The following DAB1 variants were observed in gnomAD, a reference collection of about 807,000 sequenced individuals.
DAB1 encodes the protein disabled homolog 1.
A neutral mutation model predicts 64.6 loss-of-function variants in DAB1; 15 were observed. The ratio of observed to expected loss-of-function variants is 0.23; its 90% CI spans 0.16 to 0.36. DAB1 has a LOEUF of 0.36. Ranked by LOEUF, DAB1 falls within the 10% of genes least tolerant of loss-of-function variation. DAB1 has a pLI of 1.00. For synonymous variants in DAB1, 235 were observed against 251.9 expected (o/e 0.93, Z 0.64); for missense variants, 596 against 706.7 (o/e 0.84, Z 1.78).
chr1:57,700,262 T>C (rs1003333887), intron 6 of DAB1, among the ~76,000 whole-genome samples: 1 of 152,096 alleles, frequency 6.6e-6, no homozygotes, highest in Non-Finnish European at 1.5e-5. Context: ...ACCATTATCA[T>C]ACTTTTTTTA....
intron 1 of DAB1, among the ~76,000 whole-genome samples, chr1:57,836,649 C>CATT (rs1652822113): frequency 1.3e-5 from 2 of 152,314 alleles, no homozygotes; most frequent in Admixed American, 1.3e-4. Context: ...CGGCATCCGC[C>CATT]ATCTCTTGAT....
intron 4 of DAB1, among the ~76,000 whole-genome samples, chr1:57,118,582 C>T (rs1054888356): frequency 6.6e-6 from 1 of 152,160 alleles, no homozygotes; most frequent in Non-Finnish European, 1.5e-5. Flanking sequence ...AGCAGGCAGG[C>T]AGAAGTTGTA....
chr1:57,259,824 T>C (rs1670047348), intron 2 of DAB1, among the ~76,000 whole-genome samples: 1 of 152,324 alleles, frequency 6.6e-6, no homozygotes, highest in African/African-American at 2.4e-5. Flanking sequence ...TTAGAAGACA[T>C]CAAGCACTAT....
intron 3 of DAB1, among the ~76,000 whole-genome samples, chr1:58,470,351 T>A (rs550011273): frequency 6.6e-6 from 1 of 151,884 alleles, no homozygotes; most frequent in Non-Finnish European, 1.5e-5. Flanking sequence ...TTTTTGCAGT[T>A]TTAGTAGAGA....
At chr1:57,663,584 T>G (rs894393187) in intron 6 of DAB1, among the ~76,000 whole-genome samples, 3 of 152,144 alleles carry the variant, frequency 2.0e-5, no homozygotes, top group African/African-American at 7.2e-5. Context: ...AATTTTAAAT[T>G]GTCTGCGGTA....
At chr1:57,641,632 C>T (rs971817157) in intron 7 of DAB1, among the ~76,000 whole-genome samples, 2 of 151,926 alleles carry the variant, frequency 1.3e-5, no homozygotes, top group East Asian at 3.9e-4. Flanking sequence ...GATCTGCCCA[C>T]CTCAGTCTCC....
chr1:58,345,401 G>A (rs904773134), intron 3 of DAB1, among the ~76,000 whole-genome samples: 4 of 152,170 alleles, frequency 2.6e-5, no homozygotes, highest in African/African-American at 4.8e-5. Context: ...ATCAGAATGT[G>A]CTACATCAAA....
intron 1 of DAB1, among the ~76,000 whole-genome samples, chr1:57,293,648 T>A (rs926146782): frequency 6.6e-6 from 1 of 152,158 alleles, no homozygotes; most frequent in Admixed American, 6.6e-5. Flanking sequence ...ACAAGTTAAT[T>A]TTGCTGTCTC....
chr1:57,190,811 T>A (rs1664059966), intron 2 of DAB1, among the ~76,000 whole-genome samples: 1 of 152,168 alleles, frequency 6.6e-6, no homozygotes, highest in Non-Finnish European at 1.5e-5. Context: ...CGACAGGTGA[T>A]GAGCTACACT....
chr1:58,051,878 A>C lies in DAB1; in HGVS notation n.387+98633T>G, dbSNP rs185368769. Reference sequence around the variant, plus strand: ...GAAGTGTCTGTTCATATCCTTTGTCAACTTTTTGATGGGGTTGTTTTTTTC... The same window carrying C: ...GAAGTGTCTGTTCATATCCTTTGTCCACTTTTTGATGGGGTTGTTTTTTTC... On this transcript the variant is annotated intron_variant and non_coding_transcript_variant, in intron 5 of 20. Transcript: ENST00000485760. Among the ~76,000 whole-genome samples the C allele has an allele frequency of 5.0e-3, 762 of 152,096 alleles. 11 individuals are homozygous for C. Among genetic ancestry groups the C allele is most frequent in the Admixed American group, 0.037 (571 of 15,276 alleles).
In DAB1 at chr1:57,150,825, A is replaced by G. The variant is rs147349685; in HGVS notation, c.68-5396T>C. The stretch of plus-strand genomic sequence containing the variant: ...TTGGCTTAGACTGTTTAGCAATCCT[A>G]ATTATCTTCTGGAATCACCTTGGGA... On this transcript the variant is annotated intron_variant, in intron 2 of 14. Transcript: ENST00000371236. Among the ~76,000 whole-genome samples, 57 of 152,256 alleles carry G rather than the reference A, an allele frequency of 3.7e-4. No individual in the cohort carries two copies. The South Asian group carries it at 7.5e-3, about 20-fold the overall frequency.
intron 2 of DAB1, among the ~76,000 whole-genome samples, chr1:57,244,860 C>G (rs537114769): frequency 6.6e-6 from 1 of 152,174 alleles, no homozygotes. Flanking sequence ...ACTAACGTAG[C>G]GTTCTGATAT....
intron 7 of DAB1, among the ~76,000 whole-genome samples, chr1:57,525,297 T>C (rs945525515): frequency 1.3e-5 from 2 of 152,138 alleles, no homozygotes; most frequent in African/African-American, 4.8e-5. Flanking sequence ...AATATGGGAC[T>C]GCAGGAGTGA....
chr1:58,102,575 C>G (rs1051956351), intron 5 of DAB1, among the ~76,000 whole-genome samples: 2 of 152,154 alleles, frequency 1.3e-5, no homozygotes, highest in Middle Eastern at 3.2e-3. Context: ...CTTAAGAGGA[C>G]TTTTCCAGAG....
intron 7 of DAB1, among the ~76,000 whole-genome samples, chr1:57,525,431 G>T (rs1306808799): frequency 1.0e-5 from 1 of 95,322 alleles, no homozygotes; most frequent in Non-Finnish European, 2.3e-5. Context: ...GACACAGAAA[G>T]TTAAGGAAAT....
chr1:58,182,996 C>T (rs946439434), intron 4 of DAB1, among the ~76,000 whole-genome samples: 2 of 151,934 alleles, frequency 1.3e-5, no homozygotes, highest in Non-Finnish European at 2.9e-5. Context: ...TGTTCAGTGA[C>T]TTTGTTTGAC....
intron 5 of DAB1, among the ~76,000 whole-genome samples, chr1:57,969,406 C>T (rs1294230412): frequency 6.6e-6 from 1 of 151,988 alleles, no homozygotes; most frequent in Non-Finnish European, 1.5e-5. Context: ...GCAGTGGAGC[C>T]ATCTTGGCTC....
chr1:57,591,974 T>C (rs533350883), intron 7 of DAB1, among the ~76,000 whole-genome samples: 1 of 152,310 alleles, frequency 6.6e-6, no homozygotes, highest in East Asian at 1.9e-4. Flanking sequence ...CTCTGTGATG[T>C]TTTTCTCAGA....
At chr1:57,654,823 G>A (rs143386955) in intron 6 of DAB1, among the ~76,000 whole-genome samples, 187 of 152,096 alleles carry the variant, frequency 1.2e-3, no homozygotes, top group African/African-American at 4.0e-3. Context: ...TTCCCTTTAC[G>A]GTAAGTGCTT....
Sources: gnomAD v4.1 joint callset for allele counts (sites outside exome capture counted in the v4.1 genomes callset) on GRCh38, gnomAD v4.1.1 for gene constraint, MANE v1.5 for transcripts, NCBI Gene and HGNC (gene_info 2026-07-23, HGNC 2026-07-21) for gene names.